PC: variants seen among roughly 807,000 people sequenced by gnomAD.
The protein encoded by PC is pyruvate carboxylase, mitochondrial.
A neutral mutation model predicts 107.8 loss-of-function variants in PC; 46 were observed. The observed-to-expected ratio is 0.43, with a 90% CI of 0.34 to 0.55. The LOEUF (loss-of-function observed/expected upper bound fraction) is 0.55. Ranked by LOEUF, PC falls within the 20% of genes least tolerant of loss-of-function variation. PC has a pLI of 0.04. For missense variants in PC, 1,241 were observed against 1,643.1 expected (o/e 0.76, Z 4.23); for synonymous variants, 662 against 684.7 (o/e 0.97, Z 0.52).
intron 3 of PC, among the ~76,000 whole-genome samples, chr11:66,921,872 C>A (rs370064739): frequency 2.8e-4 from 42 of 152,218 alleles, no homozygotes; most frequent in African/African-American, 9.2e-4. Context: ...CCAAAACCAC[C>A]CAAGAGTTCT....
chr11:66,863,724 G>C, intron 12 of PC, 50 bp downstream of exon 12: 1 of 1,564,616 alleles, frequency 6.4e-7, no homozygotes, highest in Non-Finnish European at 8.7e-7. Flanking sequence ...ACGGTCAGGG[G>C]GCCCTCCAAG....
chr11:66,903,524 G>A (rs1181007143), intron 3 of PC, among the ~76,000 whole-genome samples: 1 of 150,982 alleles, frequency 6.6e-6, no homozygotes, highest in Non-Finnish European at 1.5e-5. Context: ...TGGATCACCT[G>A]AGGTCAGGAG....
At chr11:66,926,762 C>T (rs1433810063) in intron 3 of PC, among the ~76,000 whole-genome samples, 1 of 144,994 alleles carries the variant, frequency 6.9e-6, no homozygotes, top group Non-Finnish European at 1.5e-5. Flanking sequence ...ATCTGCTTTC[C>T]ATCTCTATGG....
intron 1 of PC, 176 bp downstream of exon 1, chr11:66,958,146 G>C (rs930452126): frequency 8.6e-5 from 13 of 151,782 alleles, no homozygotes; most frequent in African/African-American, 2.7e-4. Flanking sequence ...CCGCTGCGTC[G>C]CGTCGCGCAC....
rs780784913 is a variant in PC, at chr11:66,857,705, C to G, written c.1369-4322G>C. 1 of 1,557,116 alleles carries G rather than the reference C, an allele frequency of 6.4e-7. No homozygotes were observed. The highest frequency in any genetic ancestry group is 8.6e-7 in the Non-Finnish European group (1 of 1,156,640). ...AAGTGGGCACCTGCGCCAGCCCCAC[C>G]TGTGCCTGGGCTGTGGCCCCTTCCT... On this transcript the variant is annotated intron_variant, in intron 12 of 22. Coordinates refer to ENST00000393960, the MANE Select transcript of PC (RefSeq NM_001040716.2). This position sits in a 1 kb window ranked among gnomAD's most constrained non-coding sequence, Gnocchi z 7.1.
intron 3 of PC, among the ~76,000 whole-genome samples, chr11:66,899,769 G>A (rs915315747): frequency 4.6e-5 from 7 of 152,178 alleles, no homozygotes; most frequent in African/African-American, 1.2e-4. Context: ...TTCTGATGAC[G>A]TACAGTTCAT....
rs781174132 is a variant in PC, at chr11:66,858,386, C to T, written c.1369-5003G>A. 3.2e-6 allele frequency: 5 copies of T among 1,569,512 alleles called. No individual in the cohort carries two copies. The South Asian group carries it at 5.7e-5, about 18-fold the overall frequency. ...CCACGCTGGCTCCGGACCCGCTTTT[C>T]TCTCGTGGGCGTGATGCAGAGGCCT... is the stretch of plus-strand genomic sequence containing the variant. On this transcript the variant is annotated intron_variant, in intron 12 of 22. Coordinates refer to ENST00000393960, the MANE Select transcript of PC (RefSeq NM_001040716.2). This position sits in a 1 kb window ranked among gnomAD's most constrained non-coding sequence, Gnocchi z 5.9.
chr11:66,859,200 C>G, intron 12 of PC: 1 of 1,326,418 alleles, frequency 7.5e-7, no homozygotes, highest in Non-Finnish European at 1.0e-6. Flanking sequence ...GGCTGACACC[C>G]CCTCCCCGAC....
intron 3 of PC, among the ~76,000 whole-genome samples, chr11:66,872,971 A>T (rs1040801832): frequency 6.6e-6 from 1 of 150,820 alleles, no homozygotes; most frequent in Non-Finnish European, 1.5e-5. Context: ...TAGAAGACAG[A>T]GGTTGCAGTG....
intron 3 of PC, among the ~76,000 whole-genome samples, chr11:66,917,658 G>A (rs2136083787): frequency 6.6e-6 from 1 of 152,310 alleles, no homozygotes; most frequent in South Asian, 2.1e-4. Flanking sequence ...CTAGACGTAA[G>A]CTTCAGAATG....
chr11:66,859,430 C>T (rs1409462668), intron 12 of PC, among the ~76,000 whole-genome samples: 1 of 152,222 alleles, frequency 6.6e-6, no homozygotes, highest in Non-Finnish European at 1.5e-5. Context: ...TCCCCCCACC[C>T]CATTCCCCTC....
chr11:66,892,908 T>A (rs1197528664), intron 3 of PC, among the ~76,000 whole-genome samples: 6 of 151,154 alleles, frequency 4.0e-5, no homozygotes, highest in Non-Finnish European at 7.4e-5. Context: ...TTGGTATTCA[T>A]GTTGGATCTG....
chr11:66,936,917 G>A (rs1048678973), intron 3 of PC, among the ~76,000 whole-genome samples: 1 of 152,070 alleles, frequency 6.6e-6, no homozygotes, highest in Non-Finnish European at 1.5e-5. Context: ...TTGGCTCACT[G>A]CAACCTCCGC....
intron 3 of PC, among the ~76,000 whole-genome samples, chr11:66,911,615 C>G (rs1314247371): frequency 2.0e-5 from 3 of 151,534 alleles, no homozygotes; most frequent in Admixed American, 2.0e-4. Flanking sequence ...AAGACACATC[C>G]CTGTCTTTAG....
At chr11:66,872,683 C>T (rs924090137) in intron 3 of PC, among the ~76,000 whole-genome samples, 1 of 150,896 alleles carries the variant, frequency 6.6e-6, no homozygotes, top group Admixed American at 6.6e-5. Context: ...TGCAGCGAGC[C>T]GAGATCGTGC....
At chr11:66,921,676 G>C (rs2136092409) in intron 3 of PC, among the ~76,000 whole-genome samples, 1 of 152,274 alleles carries the variant, frequency 6.6e-6, no homozygotes, top group East Asian at 1.9e-4. Context: ...TGGACAAGCA[G>C]TTCACCCCTT....
chr11:66,914,556 G>A (rs564384153), intron 3 of PC, among the ~76,000 whole-genome samples: 1 of 151,912 alleles, frequency 6.6e-6, no homozygotes, highest in East Asian at 1.9e-4. Context: ...GGATCCCTTT[G>A]AGGGAAGGAC....
chr11:66,940,620 C>T (rs1949107353), intron 3 of PC, among the ~76,000 whole-genome samples: 1 of 151,270 alleles, frequency 6.6e-6, no homozygotes, highest in Admixed American at 6.6e-5. Flanking sequence ...CCCAGGAGGT[C>T]GAGGCTGCAG....
At position 66,925,295 on chromosome 11, in the gene PC, C is replaced by T. The variant is rs150327511; in HGVS notation, c.-1+27135G>A. On this transcript the variant is annotated intron_variant, in intron 3 of 22. Transcript: ENST00000393960. ...CGTCCTAATAAGCCTGGGAGCTCTA[C>T]GGGAGACTGGGGCTTATTTCATCCC... 2.0e-3 allele frequency among the ~76,000 whole-genome samples: 301 copies of T among 152,190 alleles called. 2 individuals are homozygous for T. The highest frequency in any genetic ancestry group is 7.0e-3 in the African/African-American group (292 of 41,518).
Sources: allele counts gnomAD v4.1 joint callset (sites outside exome capture counted in the v4.1 genomes callset), GRCh38; gene constraint gnomAD v4.1.1; non-coding constraint Gnocchi (gnomAD v3.1); transcripts MANE v1.5; gene names NCBI Gene and HGNC (gene_info 2026-07-23, HGNC 2026-07-21).